ZNF385D: variants seen among roughly 807,000 people sequenced by gnomAD.
The protein encoded by ZNF385D is zinc finger protein 385D, also known as zinc finger protein 659.
In ZNF385D, 15 loss-of-function variants were observed where a neutral mutation model predicts 35.8. That is an observed-to-expected ratio of 0.42 (90% confidence interval 0.28 to 0.64). ZNF385D has a LOEUF of 0.64. Ranked by LOEUF, ZNF385D falls within the 30% of genes least tolerant of loss-of-function variation. ZNF385D has a pLI of 0.23. For missense variants in ZNF385D, 474 were observed against 494.6 expected (o/e 0.96, Z 0.39); for synonymous variants, 212 against 186.8 (o/e 1.13, Z -1.10).
chr3:21,909,874 T>C (rs187112985), intron 3 of ZNF385D, among the ~76,000 whole-genome samples: 99 of 152,182 alleles, frequency 6.5e-4, no homozygotes, highest in Admixed American at 1.8e-3. Context: ...AGAAAGTTTA[T>C]AAGCCTAGCT....
At chr3:21,929,358 T>G (rs1316881419) in intron 3 of ZNF385D, among the ~76,000 whole-genome samples, 3 of 152,070 alleles carry the variant, frequency 2.0e-5, no homozygotes, top group Non-Finnish European at 2.9e-5. Context: ...TTGCCAATAT[T>G]GCACATAATA....
intron 2 of ZNF385D, among the ~76,000 whole-genome samples, chr3:22,330,857 C>A (rs572393212): frequency 9.8e-5 from 15 of 152,312 alleles, no homozygotes; most frequent in Admixed American, 2.6e-4. Context: ...CCTGCAGGTT[C>A]CAAAATCTAG....
At chr3:21,515,314 T>C (rs1204556351) in intron 3 of ZNF385D, among the ~76,000 whole-genome samples, 1 of 152,210 alleles carries the variant, frequency 6.6e-6, no homozygotes, top group Non-Finnish European at 1.5e-5. Flanking sequence ...CCTTGTATAC[T>C]TTTCACATCT....
At chr3:21,661,723 C>T (rs1002006167) in intron 2 of ZNF385D, among the ~76,000 whole-genome samples, 3 of 152,138 alleles carry the variant, frequency 2.0e-5, no homozygotes, top group Non-Finnish European at 4.4e-5. Context: ...TCTGTTGTGG[C>T]TCCTTAAAAG....
rs371492957 is a variant in ZNF385D, at chr3:21,984,642, G to A, written c.325+184175C>T. On this transcript the variant is annotated intron_variant, in intron 3 of 5. Coordinates refer to the ZNF385D transcript ENST00000494108. Reference sequence around the variant, plus strand: ...TCTTTTGGCTTAGGATTGACTTGGCGATGCGGGCTCTTTTTTGGTTCCATA... The same window carrying A: ...TCTTTTGGCTTAGGATTGACTTGGCAATGCGGGCTCTTTTTTGGTTCCATA... Among the ~76,000 whole-genome samples, 26 of 101,238 alleles carry A rather than the reference G, an allele frequency of 2.6e-4. No homozygotes were observed. The East Asian group carries it at 3.6e-3, about 14-fold the overall frequency. 66.4% of individuals were successfully genotyped at this position (101,238 alleles called of 152,430 possible).
chr3:21,667,616 T>C (rs1409690223), intron 1 of ZNF385D, among the ~76,000 whole-genome samples: 1 of 152,234 alleles, frequency 6.6e-6, no homozygotes, highest in Non-Finnish European at 1.5e-5. Context: ...TCTGCAGTTG[T>C]TTATCTTGCT....
At chr3:21,540,521 C>T (rs533976338) in intron 3 of ZNF385D, among the ~76,000 whole-genome samples, 7 of 152,194 alleles carry the variant, frequency 4.6e-5, no homozygotes, top group Non-Finnish European at 8.8e-5. Flanking sequence ...ATGACAAGTT[C>T]GCTGATGCAG....
At chr3:22,079,813 A>C (rs1481782345) in intron 3 of ZNF385D, among the ~76,000 whole-genome samples, 1 of 151,998 alleles carries the variant, frequency 6.6e-6, no homozygotes, top group East Asian at 1.9e-4. Context: ...TACGGGTATT[A>C]AAAGACATAC....
intron 2 of ZNF385D, among the ~76,000 whole-genome samples, chr3:22,314,947 T>G (rs1703803410): frequency 2.0e-5 from 3 of 152,026 alleles, no homozygotes; most frequent in Admixed American, 1.3e-4. Context: ...TGAATGGATG[T>G]GGAGTAAGGG....
intron 3 of ZNF385D, among the ~76,000 whole-genome samples, chr3:21,878,434 G>A (rs889162839): frequency 1.3e-5 from 2 of 152,004 alleles, no homozygotes; most frequent in South Asian, 2.1e-4. Context: ...ATTAATATGC[G>A]TAAAAAGAAA....
At chr3:21,919,419 G>A (rs1022695636) in intron 3 of ZNF385D, among the ~76,000 whole-genome samples, 13 of 152,122 alleles carry the variant, frequency 8.5e-5, no homozygotes, top group African/African-American at 3.1e-4. Flanking sequence ...TAACGATGTA[G>A]GCATTTACCA....
At chr3:21,566,523 G>C (rs73033316) in intron 2 of ZNF385D, among the ~76,000 whole-genome samples, 1 of 151,882 alleles carries the variant, frequency 6.6e-6, no homozygotes, top group Non-Finnish European at 1.5e-5. Flanking sequence ...CCAGGTATTC[G>C]GGAGGCTGAG....
At chr3:21,946,661 G>A (rs999838670) in intron 3 of ZNF385D, among the ~76,000 whole-genome samples, 5 of 151,878 alleles carry the variant, frequency 3.3e-5, no homozygotes, top group African/African-American at 4.8e-5. Context: ...GTGAAACTCC[G>A]TCTCTATTAA....
chr3:22,293,419 T>C (rs1000075051), intron 2 of ZNF385D, among the ~76,000 whole-genome samples: 31 of 152,198 alleles, frequency 2.0e-4, no homozygotes, highest in African/African-American at 7.2e-4. Context: ...ACTTCAGGCA[T>C]TCTCTTTCTA....
At chr3:21,931,198 G>A (rs1700990323) in intron 3 of ZNF385D, among the ~76,000 whole-genome samples, 1 of 152,080 alleles carries the variant, frequency 6.6e-6, no homozygotes, top group Admixed American at 6.6e-5. Context: ...AGAATGCTCA[G>A]TATCTTTAGT....
intron 3 of ZNF385D, among the ~76,000 whole-genome samples, chr3:22,059,916 C>G (rs1699606407): frequency 6.6e-6 from 1 of 152,122 alleles, no homozygotes; most frequent in African/African-American, 2.4e-5. Context: ...CCAATGTGGG[C>G]AGGCATCATC....
Position 21,414,605 on chromosome 3 carries a change from C to G in ZNF385D, c.*6609G>C, listed in dbSNP as rs1387962351. The G allele has an allele frequency of 2.0e-5, 3 of 152,070 alleles. No homozygotes were observed. In the East Asian group the frequency reaches 5.8e-4, roughly 29 times the overall value. 9.4% of individuals were successfully genotyped at this position (152,070 alleles called of 1,614,324 possible). On this transcript the variant is annotated 3_prime_UTR_variant, in exon 8 of 8. Transcript: ENST00000281523. ...ATTCAGCTTTTTTAAAAGCACATTT[C>G]TGTAATCAGTCATTATCCCTATTTT...
chr3:22,207,996 T>G (rs2728979), intron 2 of ZNF385D, among the ~76,000 whole-genome samples: 1 of 151,668 alleles, frequency 6.6e-6, no homozygotes, highest in Non-Finnish European at 1.5e-5. Flanking sequence ...TAAATTAGTA[T>G]AGCCAATATG....
At chr3:22,272,569 ACCTGTG>A (rs1701231525) in intron 2 of ZNF385D, among the ~76,000 whole-genome samples, 1 of 151,920 alleles carries the variant, frequency 6.6e-6, no homozygotes. Flanking sequence ...GCCTTGTAAA[ACCTGTG>A]ATTTAGTTTA....
Sources: allele counts gnomAD v4.1 joint callset (sites outside exome capture counted in the v4.1 genomes callset), GRCh38; gene constraint gnomAD v4.1.1; transcripts MANE v1.5; gene names NCBI Gene and HGNC (gene_info 2026-07-23, HGNC 2026-07-21).